The following NAALADL2 variants were observed in gnomAD, a reference collection of about 807,000 sequenced individuals.
The protein encoded by NAALADL2 is N-acetylated alpha-linked acidic dipeptidase like 2, also known as inactive N-acetylated-alpha-linked acidic dipeptidase-like protein 2.
In NAALADL2, 76 loss-of-function variants were observed where a neutral mutation model predicts 87.2. That is an observed-to-expected ratio of 0.87 (90% confidence interval 0.72 to 1.05). The LOEUF is 1.05. Ranked by LOEUF, NAALADL2 falls within the 50% of genes least tolerant of loss-of-function variation. NAALADL2 has a pLI of 0.00. For missense variants in NAALADL2, 1,089 were observed against 945.8 expected (o/e 1.15, Z -1.99); for synonymous variants, 354 against 331.0 (o/e 1.07, Z -0.75).
At chr3:175,697,954 T>C (rs1486178334) in intron 11 of NAALADL2, among the ~76,000 whole-genome samples, 484 of 1,356 alleles carry the variant, frequency 0.36, 19 homozygotes, top group East Asian at 0.48. Flanking sequence ...TATATGTATG[T>C]ATACATATAT....
chr3:175,437,848 A>C (rs1718979846), intron 5 of NAALADL2, among the ~76,000 whole-genome samples: 2 of 152,100 alleles, frequency 1.3e-5, no homozygotes, highest in Non-Finnish European at 2.9e-5. Context: ...TTGCTTTACA[A>C]ATGGGAATAT....
At chr3:174,846,541 A>G (rs114062896) in intron 3 of NAALADL2, among the ~76,000 whole-genome samples, 1,752 of 152,334 alleles carry the variant, frequency 0.012, 37 homozygotes, top group African/African-American at 0.041. Context: ...AGTTAGTAGT[A>G]TCTACAGGAT....
chr3:174,926,565 A>G (rs538322123), intron 1 of NAALADL2, among the ~76,000 whole-genome samples: 1 of 152,180 alleles, frequency 6.6e-6, no homozygotes, highest in African/African-American at 2.4e-5. Flanking sequence ...ATTCTTAAAG[A>G]AAAGAATTTT....
intron 1 of NAALADL2, among the ~76,000 whole-genome samples, chr3:174,962,418 T>TATATATATATATGTCATAGTGACTATGAC (rs1742231204): frequency 7.3e-6 from 1 of 137,864 alleles, no homozygotes; most frequent in Non-Finnish European, 1.6e-5. Context: ...ATGACATATA[T>TATATATATATATGTCATAGTGACTATGAC]ATATATATAT....
chr3:174,997,690 C>T (rs770554613), intron 1 of NAALADL2, among the ~76,000 whole-genome samples: 1 of 151,848 alleles, frequency 6.6e-6, no homozygotes, highest in Non-Finnish European at 1.5e-5. Flanking sequence ...GTGGTGGACA[C>T]GTATAATCCT....
chr3:175,589,309 G>GTAATTTAGCATTCGT (rs60691311), intron 10 of NAALADL2, among the ~76,000 whole-genome samples: 5 of 151,998 alleles, frequency 3.3e-5, no homozygotes, highest in Admixed American at 3.3e-4. Flanking sequence ...ATTGGTACTG[G>GTAATTTAGCATTCGT]TAAATAAATG....
At chr3:175,206,261 TA>T (rs201389559) in intron 2 of NAALADL2, among the ~76,000 whole-genome samples, 5,379 of 91,052 alleles carry the variant, frequency 0.059, 250 homozygotes, top group East Asian at 0.15. Flanking sequence ...TATATATATA[TA>T]TTTTTTTTTT....
At chr3:175,069,398 C>G (rs11711509) in intron 1 of NAALADL2, among the ~76,000 whole-genome samples, 1 of 149,926 alleles carries the variant, frequency 6.7e-6, no homozygotes, top group African/African-American at 2.5e-5. Context: ...GCAGCCAAAA[C>G]ACACATGAAA....
chr3:175,517,799 A>G (rs1287750973), intron 9 of NAALADL2, among the ~76,000 whole-genome samples: 2 of 152,126 alleles, frequency 1.3e-5, no homozygotes, highest in Non-Finnish European at 2.9e-5. Flanking sequence ...GGGCACACAA[A>G]TGGGAATTCC....
At chr3:175,255,629 G>T (rs998042796) in intron 3 of NAALADL2, among the ~76,000 whole-genome samples, 1 of 152,138 alleles carries the variant, frequency 6.6e-6, no homozygotes, top group Non-Finnish European at 1.5e-5. Flanking sequence ...AGGAATATAT[G>T]AATCTGCAGT....
At chr3:174,842,567 A>G (rs1186719416) in intron 3 of NAALADL2, among the ~76,000 whole-genome samples, 1 of 152,194 alleles carries the variant, frequency 6.6e-6, no homozygotes, top group Non-Finnish European at 1.5e-5. Context: ...GTATACATCT[A>G]TGCACACTCT....
chr3:175,617,615 G>A (rs536654252), intron 10 of NAALADL2, among the ~76,000 whole-genome samples: 1 of 152,220 alleles, frequency 6.6e-6, no homozygotes, highest in African/African-American at 2.4e-5. Context: ...CCTCTCTTGG[G>A]CCTCCTCCCA....
intron 1 of NAALADL2, among the ~76,000 whole-genome samples, chr3:175,029,629 T>C (rs1182290381): frequency 6.6e-6 from 1 of 152,056 alleles, no homozygotes; most frequent in Non-Finnish European, 1.5e-5. Context: ...TGCAAGTGTA[T>C]TAAATTTGTA....
intron 3 of NAALADL2, among the ~76,000 whole-genome samples, chr3:174,813,898 A>G (rs1056159025): frequency 6.6e-6 from 1 of 152,118 alleles, no homozygotes. Flanking sequence ...CATGTATAGT[A>G]TAGCTCTTTA....
rs145465315 is a variant in NAALADL2 at position 175,296,450 on chromosome 3, C to T, written c.940-27725C>T. ...CTCAAATAAGATGATCTTAGGCATG[C>T]ATATGTTTAAACAGGTTCCCCGTAA... On this transcript the variant is annotated intron_variant, in intron 4 of 13. Coordinates refer to ENST00000454872, the MANE Select transcript of NAALADL2 (RefSeq NM_207015.3). Among the ~76,000 whole-genome samples the T allele has an allele frequency of 3.2e-3, 489 of 152,266 alleles. 6 individuals are homozygous for T. The East Asian group carries it at 0.053, about 17-fold the overall frequency.
At chr3:175,003,586 C>T (rs1379022540) in intron 1 of NAALADL2, among the ~76,000 whole-genome samples, 1 of 151,992 alleles carries the variant, frequency 6.6e-6, no homozygotes, top group African/African-American at 2.4e-5. Flanking sequence ...GACTTTGAGG[C>T]ATTCCATAAG....
intron 9 of NAALADL2, among the ~76,000 whole-genome samples, chr3:175,484,254 C>T (rs558614173): frequency 6.6e-5 from 10 of 152,098 alleles, no homozygotes; most frequent in East Asian, 3.9e-4. Context: ...AAACAGTTCA[C>T]GGTTTATTTG....
intron 1 of NAALADL2, among the ~76,000 whole-genome samples, chr3:174,994,256 G>C (rs1029354309): frequency 5.3e-5 from 8 of 152,156 alleles, no homozygotes; most frequent in African/African-American, 1.9e-4. Flanking sequence ...TATTTGTAAA[G>C]ACTTGATTCC....
intron 5 of NAALADL2, among the ~76,000 whole-genome samples, chr3:175,406,686 C>T (rs998623314): frequency 6.6e-6 from 1 of 152,118 alleles, no homozygotes; most frequent in Non-Finnish European, 1.5e-5. Context: ...ATTTTCTATC[C>T]TGTATATATA....
Sources: gnomAD v4.1 joint callset for allele counts (sites outside exome capture counted in the v4.1 genomes callset) on GRCh38, gnomAD v4.1.1 for gene constraint, MANE v1.5 for transcripts, NCBI Gene and HGNC (gene_info 2026-07-23, HGNC 2026-07-21) for gene names.